The following AGXT2 variants were observed in gnomAD, a reference collection of about 807,000 sequenced individuals.
AGXT2 encodes the protein alanine--glyoxylate aminotransferase 2, mitochondrial.
Under a neutral mutation model 62.5 loss-of-function variants are expected in AGXT2, and 61 were observed. The ratio of observed to expected loss-of-function variants is 0.98; its 90% CI spans 0.79 to 1.21. AGXT2 has a LOEUF of 1.21. Ranked by LOEUF, AGXT2 falls within the 50% of genes most tolerant of loss-of-function variation. AGXT2 has a pLI of 0.00. For synonymous variants in AGXT2, 243 were observed against 218.7 expected (o/e 1.11, Z -0.98); for missense variants, 666 against 641.5 (o/e 1.04, Z -0.41).
chr5:35,047,355 AT>A (rs1356807872), intron 1 of AGXT2, among the ~76,000 whole-genome samples: 4 of 152,146 alleles, frequency 2.6e-5, no homozygotes, highest in African/African-American at 9.7e-5. Context: ...AGGTGGGAGA[AT>A]TATTTGAGCC....
Position 35,047,864 on chromosome 5 carries a change from C to G in AGXT2, c.29G>C (p.Arg10Thr), listed in dbSNP as rs1248899450. 6.2e-7 allele frequency: 1 copy of G among 1,614,082 alleles called. No homozygotes were observed. The highest frequency in any genetic ancestry group is 8.5e-7 in the Non-Finnish European group (1 of 1,179,992). Residue 10 changes from arginine to threonine, a missense_variant, in exon 1 of 14, where the codon AGA (arginine) becomes ACA (threonine). Arg to Thr is a moderately conservative substitution (Grantham distance 71). Transcript: ENST00000231420. MTLIWRHLL[R>T]PLCLVTSAPR... ...AGCGGAAGTGACCAGGCACAAGGGTCTCAGCAAATGTCTCCAGATTAGAGT... is the reference window on the plus strand; with the variant it reads ...AGCGGAAGTGACCAGGCACAAGGGTGTCAGCAAATGTCTCCAGATTAGAGT...
chr5:35,037,133 T>C lies in AGXT2; in HGVS notation c.363-68A>G, dbSNP rs558105297. On this transcript the variant is annotated intron_variant, in intron 3 of 13. Transcript: ENST00000231420. Reference sequence around the variant, plus strand: ...GTCCCTCCTGCACACACCCTGGTCATTGGACCCAAATATACTGTTTTTTCT... The same window carrying C: ...GTCCCTCCTGCACACACCCTGGTCACTGGACCCAAATATACTGTTTTTTCT... The C allele has an allele frequency of 7.4e-5, 119 of 1,608,370 alleles. No homozygotes were observed. The African/African-American group carries it at 1.2e-3, about 16-fold the overall frequency.
chr5:35,025,739 A>T, intron 9 of AGXT2, 24 bp downstream of exon 9: 1 of 1,610,320 alleles, frequency 6.2e-7, no homozygotes, highest in African/African-American at 1.3e-5. Context: ...ACTGCACTCA[A>T]TGGCACCCTT....
intron 12 of AGXT2, among the ~76,000 whole-genome samples, chr5:35,008,079 T>A (rs191495): frequency 1.4e-4 from 21 of 152,202 alleles, no homozygotes; most frequent in Non-Finnish European, 2.5e-4. Context: ...GCTTCCTGTA[T>A]GGTCTGCAGA....
chr5:35,019,437 A>G (rs1386940077), intron 9 of AGXT2, among the ~76,000 whole-genome samples: 1 of 151,038 alleles, frequency 6.6e-6, no homozygotes, highest in Non-Finnish European at 1.5e-5. Flanking sequence ...AAACCGCTCA[A>G]CTACATGGAA....
At chr5:35,003,700 A>T in intron 13 of AGXT2, 63 bp downstream of exon 13, 4 of 1,461,268 alleles carry the variant, frequency 2.7e-6, no homozygotes, top group Non-Finnish European at 3.8e-6. Flanking sequence ...AACTGTGACC[A>T]GCATTAGGAA....
chr5:35,039,178 A>G, intron 3 of AGXT2, 146 bp downstream of exon 3: 1 of 957,438 alleles, frequency 1.0e-6, no homozygotes, highest in South Asian at 1.5e-5. Context: ...TTTTGTACTC[A>G]GGAAATAGCA....
At chr5:35,009,382 G>A (rs1463633667) in intron 12 of AGXT2, among the ~76,000 whole-genome samples, 3 of 152,066 alleles carry the variant, frequency 2.0e-5, no homozygotes, top group East Asian at 3.8e-4. Flanking sequence ...GATAACTTGA[G>A]GTAAGGAGTT....
chr5:35,023,674 C>A (rs987722385), intron 9 of AGXT2, among the ~76,000 whole-genome samples: 1 of 152,110 alleles, frequency 6.6e-6, no homozygotes, highest in African/African-American at 2.4e-5. Context: ...CTTTCTCCAG[C>A]CTGGACTTCG....
chr5:35,003,946 C>T (rs1766330867), intron 12 of AGXT2, 85 bp from the exon 13 acceptor site: 2 of 1,296,400 alleles, frequency 1.5e-6, no homozygotes, highest in Non-Finnish European at 2.2e-6. Flanking sequence ...AAGAAAAACC[C>T]TTCAGCCATC....
At chr5:35,021,523 T>G (rs1767084273) in intron 9 of AGXT2, among the ~76,000 whole-genome samples, 1 of 149,956 alleles carries the variant, frequency 6.7e-6, no homozygotes. Flanking sequence ...TAGCCATATG[T>G]AGAAAGCTGA....
intron 11 of AGXT2, among the ~76,000 whole-genome samples, chr5:35,011,915 TACACACACACAC>T (rs57016954): frequency 0.019 from 2,617 of 140,914 alleles, 36 homozygotes; most frequent in Non-Finnish European, 0.027. Context: ...ATGTGGTGTA[TACACACACACAC>T]ACACACACAC....
intron 9 of AGXT2, among the ~76,000 whole-genome samples, chr5:35,016,737 G>A (rs1036900709): frequency 1.3e-5 from 2 of 152,134 alleles, no homozygotes; most frequent in Non-Finnish European, 2.9e-5. Flanking sequence ...AGTGGTACAA[G>A]CTTTGGACTC....
In AGXT2 at chr5:34,998,788, T is replaced by C; in HGVS notation, c.1476A>G (p.Pro492=). ...RIAPSMCITK[P]EVDFAVEVFR... ...ATACTTCTACTGCAAAATCAACTTC[T>C]GGTTTAGTGATGCACATTGAGGGCG... Residue 492 remains proline, a synonymous_variant, in exon 14 of 14, where the codon CCA becomes CCG. Coordinates refer to ENST00000231420, the MANE Select transcript of AGXT2 (RefSeq NM_031900.4). The C allele has an allele frequency of 6.2e-7, 1 of 1,614,060 alleles. No individual in the cohort carries two copies. The highest frequency in any genetic ancestry group is 8.5e-7 in the Non-Finnish European group (1 of 1,180,022).
Position 35,014,061 on chromosome 5 carries a change from A to T in AGXT2, c.1022T>A (p.Val341Asp), listed in dbSNP as rs1766751839. Residue 341 changes from valine (V) to aspartate (D), a missense_variant, in exon 10 of 14, where the codon GTC (valine) becomes GAC (aspartate). Val to Asp is a radical substitution (Grantham distance 152). Transcript: ENST00000231420. ...SHFWGFQTHD[V>D]LPDIVTMAKG... ...AGCCATGGTGACAATGTCAGGCAGG[A>T]CATCGTGGGTTTGGAAGCCCCAGAA... The T allele has an allele frequency of 4.3e-6, 7 of 1,614,076 alleles. No homozygotes were observed. The highest frequency in any genetic ancestry group is 5.9e-6 in the Non-Finnish European group (7 of 1,180,054).
Position 35,035,441 on chromosome 5 carries a change from G to T in AGXT2, c.487-125C>A. The T allele has an allele frequency of 5.4e-5, 42 of 781,446 alleles. 1 individual carries two copies. In the South Asian group the frequency reaches 5.9e-4, roughly 11 times the overall value. The allele number at this position is 781,446 out of a possible 1,614,324, so 48.4% of individuals were successfully genotyped here. Reference sequence around the variant, plus strand: ...GGAGAGTTCCCTTCAGACCAGCTCGGGTTACCCAGCAGTTCCATCATTTAA... The same window carrying T: ...GGAGAGTTCCCTTCAGACCAGCTCGTGTTACCCAGCAGTTCCATCATTTAA... On this transcript the variant is annotated intron_variant, in intron 4 of 13. Transcript: ENST00000231420.
At chr5:35,016,690 A>G (rs1766861083) in intron 9 of AGXT2, among the ~76,000 whole-genome samples, 1 of 152,238 alleles carries the variant, frequency 6.6e-6, no homozygotes, top group Admixed American at 6.5e-5. Flanking sequence ...CCTTGCCCCA[A>G]CATCTTATTG....
chr5:35,033,065 G>A, intron 6 of AGXT2: 1 of 527,782 alleles, frequency 1.9e-6, no homozygotes. Context: ...GCTTGCTCAA[G>A]GGTGCAGTGG....
intron 2 of AGXT2, 34 bp downstream of exon 2, chr5:35,040,541 C>T (rs1767943822): frequency 1.3e-6 from 2 of 1,585,164 alleles, no homozygotes; most frequent in Non-Finnish European, 8.7e-7. Context: ...AGAGAAACTA[C>T]CTCTTTGAGT....
Sources: gnomAD v4.1 joint callset for allele counts (sites outside exome capture counted in the v4.1 genomes callset) on GRCh38, gnomAD v4.1.1 for gene constraint, MANE v1.5 for transcripts, NCBI Gene and HGNC (gene_info 2026-07-23, HGNC 2026-07-21) for gene names.